Variants in TAFA1 observed in about 807,000 individuals in gnomAD.
TAFA1 encodes TAFA chemokine like family member 1, also known as chemokine-like protein TAFA-1.
A neutral mutation model predicts 18.5 loss-of-function variants in TAFA1; 4 were observed. The ratio of observed to expected loss-of-function variants is 0.22; its 90% CI spans 0.11 to 0.49. The LOEUF is 0.49. TAFA1 is among the 20% of genes least tolerant of loss of function. The pLI, the probability that TAFA1 is intolerant of heterozygous loss-of-function variation, is 0.98. For synonymous variants in TAFA1, 56 were observed against 55.2 expected (o/e 1.01, Z -0.06); for missense variants, 147 against 169.0 (o/e 0.87, Z 0.72).
intron 2 of TAFA1, among the ~76,000 whole-genome samples, chr3:68,245,568 C>T (rs1315204639): frequency 6.6e-6 from 1 of 152,126 alleles, no homozygotes; most frequent in East Asian, 1.9e-4. Flanking sequence ...ACCATATGTT[C>T]CTTGGAAGGG....
intron 2 of TAFA1, among the ~76,000 whole-genome samples, chr3:68,047,163 TGA>T (rs1481412525): frequency 1.3e-5 from 2 of 152,146 alleles, no homozygotes; most frequent in Non-Finnish European, 2.9e-5. Context: ...GCACCGACAG[TGA>T]GAGCAGTTTT....
intron 2 of TAFA1, among the ~76,000 whole-genome samples, chr3:68,324,022 T>C (rs2068735537): frequency 6.6e-6 from 1 of 152,224 alleles, no homozygotes; most frequent in Non-Finnish European, 1.5e-5. Flanking sequence ...TTATTTTGTA[T>C]TTTTCTTAAA....
chr3:68,324,859 G>T, intron 2 of TAFA1, among the ~76,000 whole-genome samples: 1 of 152,288 alleles, frequency 6.6e-6, no homozygotes, highest in South Asian at 2.1e-4. Context: ...TTTTAGGCAG[G>T]AAAGGGATGA....
intron 2 of TAFA1, among the ~76,000 whole-genome samples, chr3:68,177,252 C>T (rs894660564): frequency 1.3e-5 from 2 of 152,144 alleles, no homozygotes; most frequent in African/African-American, 4.8e-5. Context: ...CATGCTCCCT[C>T]GAATTTGCTC....
At chr3:68,425,207 A>G (rs2071029055) in intron 3 of TAFA1, among the ~76,000 whole-genome samples, 1 of 151,918 alleles carries the variant, frequency 6.6e-6, no homozygotes, top group African/African-American at 2.4e-5. Context: ...AAGATGACCT[A>G]TTTTGGTTCT....
intron 2 of TAFA1, among the ~76,000 whole-genome samples, chr3:68,156,785 A>G (rs1231149093): frequency 6.6e-6 from 1 of 152,002 alleles, no homozygotes; most frequent in Admixed American, 6.6e-5. Context: ...GGAAAAAAAT[A>G]ATAAGTCTTG....
At chr3:68,362,041 G>A (rs540251320) in intron 2 of TAFA1, among the ~76,000 whole-genome samples, 41 of 152,180 alleles carry the variant, frequency 2.7e-4, no homozygotes, top group Non-Finnish European at 4.7e-4. Flanking sequence ...GGGAGAAAAT[G>A]TCTTTTACTT....
In TAFA1 at chr3:68,192,913, A is replaced by G. The variant is rs779578111; in HGVS notation, c.118+186169A>G. ...TATAATATAGTTCAGAATAGGGAAC[A>G]GAGTGTGGAAATGTGTCCATAGAGG... On this transcript the variant is annotated intron_variant, in intron 2 of 4. Coordinates refer to ENST00000478136, the MANE Select transcript of TAFA1 (RefSeq NM_213609.4). Among the ~76,000 whole-genome samples, 5 of 151,736 alleles carry G rather than the reference A, an allele frequency of 3.3e-5. No individual in the cohort carries two copies. In the South Asian group the frequency reaches 6.2e-4, roughly 19 times the overall value.
chr3:68,264,122 T>G (rs1332764054), intron 2 of TAFA1, among the ~76,000 whole-genome samples: 1 of 151,894 alleles, frequency 6.6e-6, no homozygotes, highest in Admixed American at 6.6e-5. Flanking sequence ...CACAAAAAAT[T>G]AGCCGGGCAT....
At chr3:68,427,450 T>C (rs1042620584) in intron 3 of TAFA1, among the ~76,000 whole-genome samples, 1 of 151,872 alleles carries the variant, frequency 6.6e-6, no homozygotes, top group African/African-American at 2.4e-5. Context: ...ACCCTGTCCT[T>C]CTGCAACAAC....
chr3:68,499,874 T>C (rs2072627897), intron 3 of TAFA1, among the ~76,000 whole-genome samples: 1 of 151,492 alleles, frequency 6.6e-6, no homozygotes, highest in Non-Finnish European at 1.5e-5. Context: ...TTTTTTTTTT[T>C]TTTTAAGAAG....
intron 3 of TAFA1, among the ~76,000 whole-genome samples, chr3:68,495,166 G>A (rs2072523178): frequency 6.6e-6 from 1 of 152,166 alleles, no homozygotes; most frequent in African/African-American, 2.4e-5. Flanking sequence ...GTTCATCTGA[G>A]CACTTTTGTT....
chr3:67,992,842 G>C, the TAFA1 span, among the ~76,000 whole-genome samples: 1 of 152,078 alleles, frequency 6.6e-6, no homozygotes, highest in African/African-American at 2.4e-5. Context: ...TTTCCTCAAA[G>C]ATAAAAGTAG....
intron 2 of TAFA1, among the ~76,000 whole-genome samples, chr3:68,033,895 T>TACAC (rs1704990682): frequency 6.6e-6 from 1 of 152,000 alleles, no homozygotes; most frequent in East Asian, 1.9e-4. Flanking sequence ...CACTTAGGAG[T>TACAC]TTGGTGTACT....
At chr3:68,248,203 C>T (rs977862167) in intron 2 of TAFA1, among the ~76,000 whole-genome samples, 16 of 152,144 alleles carry the variant, frequency 1.1e-4, no homozygotes, top group African/African-American at 3.9e-4. Context: ...AAATATTCAT[C>T]GTGTTAATTT....
chr3:68,389,771 C>G (rs1184976849), intron 2 of TAFA1, among the ~76,000 whole-genome samples: 4 of 151,962 alleles, frequency 2.6e-5, no homozygotes, highest in Non-Finnish European at 5.9e-5. Context: ...TGAGAAACTC[C>G]CTCCCCTAGC....
intron 2 of TAFA1, among the ~76,000 whole-genome samples, chr3:68,213,933 T>C (rs111750667): frequency 3.3e-5 from 5 of 152,148 alleles, no homozygotes; most frequent in African/African-American, 1.2e-4. Context: ...TAACCTCAGA[T>C]GGTTATTATA....
At chr3:68,305,934 C>T (rs1276885351) in intron 2 of TAFA1, among the ~76,000 whole-genome samples, 2 of 152,082 alleles carry the variant, frequency 1.3e-5, no homozygotes, top group African/African-American at 4.8e-5. Context: ...TGAGCAAATA[C>T]AGCACCTAGA....
At chr3:68,496,471 GT>G (rs1484843797) in intron 3 of TAFA1, among the ~76,000 whole-genome samples, 1 of 152,116 alleles carries the variant, frequency 6.6e-6, no homozygotes, top group Non-Finnish European at 1.5e-5. Context: ...ACCTGGAGAT[GT>G]TACGTGTAGG....
Sources: gnomAD v4.1 joint callset for allele counts (sites outside exome capture counted in the v4.1 genomes callset) on GRCh38, gnomAD v4.1.1 for gene constraint, MANE v1.5 for transcripts, NCBI Gene and HGNC (gene_info 2026-07-23, HGNC 2026-07-21) for gene names.